The following TSPAN18 variants were observed in gnomAD, a reference collection of about 807,000 sequenced individuals.
The protein encoded by TSPAN18 is tetraspanin 18, also known as tetraspanin-18.
Under a neutral mutation model 27.3 loss-of-function variants are expected in TSPAN18, and 14 were observed. The ratio of observed to expected loss-of-function variants is 0.51; its 90% CI spans 0.34 to 0.80. TSPAN18 has a LOEUF of 0.80. Among genes scored for constraint, TSPAN18 ranks in the 30% least tolerant of loss-of-function variants. The pLI is 0.01. For missense variants in TSPAN18, 268 were observed against 323.9 expected, an observed-to-expected ratio of 0.83 and a Z score of 1.32; for synonymous variants, 143 against 136.5, an observed-to-expected ratio of 1.05 and a Z score of -0.33.
chr11:44,756,196 A>T (rs1343159084), intron 1 of TSPAN18, among the ~76,000 whole-genome samples: 1 of 151,578 alleles, frequency 6.6e-6, no homozygotes, highest in Non-Finnish European at 1.5e-5. Flanking sequence ...CTTCAATGTT[A>T]TCTGGAAAGT....
chr11:44,804,874 C>T (rs988963901), intron 2 of TSPAN18, among the ~76,000 whole-genome samples: 1 of 152,156 alleles, frequency 6.6e-6, no homozygotes, highest in Non-Finnish European at 1.5e-5. Flanking sequence ...TTATGAGTTC[C>T]GACGGAGGTA....
rs1345407948 is a variant in TSPAN18, at chr11:44,931,392, G to A, written c.*2214G>A. The A allele has an allele frequency of 1.8e-5, 3 of 162,864 alleles. No individual in the cohort carries two copies. The highest frequency in any genetic ancestry group is 7.2e-5 in the African/African-American group (3 of 41,554). 10.1% of individuals were successfully genotyped at this position (162,864 alleles called of 1,614,324 possible). A position where few individuals can be genotyped will look rare whatever the true frequency, so the allele number is the denominator to read the frequency against. ...CTGAGGCAAATTGCACAGCTTTATG[G>A]CTCTAATCCAGGGGCATCCCAGGCT... On this transcript the variant is annotated 3_prime_UTR_variant, in exon 10 of 10. Transcript: ENST00000520358.
intron 3 of TSPAN18, among the ~76,000 whole-genome samples, chr11:44,887,768 C>A (rs1858706853): frequency 6.6e-6 from 1 of 152,166 alleles, no homozygotes; most frequent in South Asian, 2.1e-4. Context: ...GCACCCTTTT[C>A]TGCTGGGGTA....
At chr11:44,786,982 A>G (rs938963797) in intron 2 of TSPAN18, among the ~76,000 whole-genome samples, 1 of 152,086 alleles carries the variant, frequency 6.6e-6, no homozygotes, top group African/African-American at 2.4e-5. Context: ...GCCACCATTT[A>G]GGGTGATCTT....
intron 8 of TSPAN18, 81 bp from the exon 9 acceptor site, chr11:44,926,593 G>A (rs1459792719): frequency 2.3e-6 from 3 of 1,298,964 alleles, no homozygotes; most frequent in Middle Eastern, 1.8e-4. Flanking sequence ...CACCTGCCAT[G>A]AACCCTAGTC....
intron 2 of TSPAN18, among the ~76,000 whole-genome samples, chr11:44,854,846 C>G (rs959169938): frequency 7.9e-5 from 12 of 152,178 alleles, no homozygotes; most frequent in African/African-American, 2.7e-4. Context: ...CTCCAAGGGC[C>G]TTTCCAGTGC....
chr11:44,814,372 CTGTCT>C (rs1258667882), intron 2 of TSPAN18, among the ~76,000 whole-genome samples: 1 of 152,142 alleles, frequency 6.6e-6, no homozygotes, highest in Non-Finnish European at 1.5e-5. Context: ...TGAAAACTCA[CTGTCT>C]TGTCTTGAGT....
intron 2 of TSPAN18, among the ~76,000 whole-genome samples, chr11:44,828,763 C>T (rs74547573): frequency 0.022 from 3,416 of 152,262 alleles, 69 homozygotes; most frequent in African/African-American, 0.057. Context: ...ATTCATGGCC[C>T]GAGGCCACGA....
intron 3 of TSPAN18, among the ~76,000 whole-genome samples, chr11:44,880,044 C>T (rs980032606): frequency 1.3e-5 from 2 of 152,286 alleles, no homozygotes; most frequent in East Asian, 1.9e-4. Context: ...GGAGGCTGGA[C>T]GGTGGAGGAA....
intron 5 of TSPAN18, among the ~76,000 whole-genome samples, chr11:44,917,271 A>G (rs1859947068): frequency 6.6e-6 from 1 of 152,332 alleles, no homozygotes; most frequent in Admixed American, 6.5e-5. Context: ...ACTGGTGGGC[A>G]AGGAAGGGCA....
At chr11:44,925,973 C>T (rs184545426) in intron 8 of TSPAN18, among the ~76,000 whole-genome samples, 38 of 152,192 alleles carry the variant, frequency 2.5e-4, no homozygotes, top group Admixed American at 1.4e-3. Flanking sequence ...ATCTCGATCT[C>T]GATCTCGATC....
chr11:44,923,221 G>A (rs751696806), intron 8 of TSPAN18, among the ~76,000 whole-genome samples: 5 of 152,204 alleles, frequency 3.3e-5, no homozygotes, highest in African/African-American at 1.2e-4. Context: ...CGTGTGGGAA[G>A]CATTGCGTGT....
chr11:44,920,201 G>A (rs1045691657), intron 8 of TSPAN18, among the ~76,000 whole-genome samples: 8 of 152,234 alleles, frequency 5.3e-5, no homozygotes, highest in African/African-American at 1.9e-4. Flanking sequence ...CAACCAAAAT[G>A]GGGAAGGATG....
chr11:44,858,458 C>T (rs1469518727), intron 2 of TSPAN18, among the ~76,000 whole-genome samples: 1 of 152,224 alleles, frequency 6.6e-6, no homozygotes, highest in African/African-American at 2.4e-5. Context: ...GTCCGTGATC[C>T]CCTTTCACAG....
At chr11:44,772,745 G>C (rs1168474173) in intron 2 of TSPAN18, among the ~76,000 whole-genome samples, 1 of 152,096 alleles carries the variant, frequency 6.6e-6, no homozygotes. Context: ...TGCAACTTCC[G>C]CCTCCCCGGT....
chr11:44,841,058 C>G (rs1413718601), intron 2 of TSPAN18, among the ~76,000 whole-genome samples: 1 of 152,164 alleles, frequency 6.6e-6, no homozygotes, highest in Non-Finnish European at 1.5e-5. Context: ...AGCAGGAGCC[C>G]TGGAGTATTG....
chr11:44,853,432 A>T (rs1169672328), intron 2 of TSPAN18, among the ~76,000 whole-genome samples: 2 of 152,118 alleles, frequency 1.3e-5, no homozygotes, highest in African/African-American at 2.4e-5. Flanking sequence ...GCATTCCTGG[A>T]GGGGCCATTT....
chr11:44,888,262 C>T (rs923457070), intron 3 of TSPAN18, among the ~76,000 whole-genome samples: 2 of 152,206 alleles, frequency 1.3e-5, no homozygotes, highest in African/African-American at 4.8e-5. Flanking sequence ...GTTCTTCTCT[C>T]ACCGACTGGG....
In TSPAN18 at chr11:44,882,627, C is replaced by CACACACACACACACACACAGAG. The variant is rs375349718; in HGVS notation, c.-11+22159_-11+22160insCACACACACACACACACAGAGA. Among the ~76,000 whole-genome samples, 468 of 130,618 alleles carry CACACACACACACACACACAGAG rather than the reference C, an allele frequency of 3.6e-3. 1 individual carries two copies. Among genetic ancestry groups the CACACACACACACACACACAGAG allele is most frequent in the Non-Finnish European group, 5.4e-3 (336 of 62,386 alleles). The allele number at this position is 130,618 out of a possible 152,430, so 85.7% of individuals were successfully genotyped here. A position where few individuals can be genotyped will look rare whatever the true frequency, so the allele number is the denominator to read the frequency against. On this transcript the variant is annotated intron_variant, in intron 3 of 9. Coordinates refer to ENST00000520358, the MANE Select transcript of TSPAN18 (RefSeq NM_130783.5). ...ACACACACACACACACACACACACA[C>CACACACACACACACACACAGAG]AGAGAGAGAGCATGTGCGTGCATGT...
Sources: gnomAD v4.1 joint callset for allele counts (sites outside exome capture counted in the v4.1 genomes callset) on GRCh38, gnomAD v4.1.1 for gene constraint, MANE v1.5 for transcripts, NCBI Gene and HGNC (gene_info 2026-07-23, HGNC 2026-07-21) for gene names.